The following CCDC14 variants were observed in gnomAD, a reference collection of about 807,000 sequenced individuals.
CCDC14 encodes the protein coiled-coil domain containing 14.
In CCDC14, 71 loss-of-function variants were observed where a neutral mutation model predicts 81.4. The observed-to-expected ratio is 0.87, with a 90% CI of 0.72 to 1.06. CCDC14 has a LOEUF of 1.06. Ranked by LOEUF, CCDC14 falls within the 50% of genes least tolerant of loss-of-function variation. CCDC14 has a pLI of 0.00. For missense variants in CCDC14, 1,046 were observed against 1,047.3 expected (o/e 1.00, Z 0.02); for synonymous variants, 332 against 364.8 (o/e 0.91, Z 1.03).
In CCDC14 at chr3:123,915,217, T is replaced by G. The variant is rs1482703802; in HGVS notation, c.2280A>C (p.Thr760=). 12 of 1,613,702 alleles carry G rather than the reference T, an allele frequency of 7.4e-6. No individual in the cohort carries two copies. Among genetic ancestry groups the G allele is most frequent in the Non-Finnish European group, 8.5e-6 (10 of 1,179,788 alleles). The change falls in exon 13 of 13, where the codon ACA becomes ACC. Residue 760 remains threonine (T), a synonymous_variant. Transcript: ENST00000409697. ...CAAGTCCGCTGTTGCTGACTAGCTG[T>G]GTTGTAGCTGCTCTTATTTGTGGCT... The part of the protein sequence containing the change: ...SPQPQIRAAT[T]QLVSNSGLAV...
intron 9 of CCDC14, among the ~76,000 whole-genome samples, chr3:123,934,988 T>C (rs2035977689): frequency 1.3e-5 from 2 of 152,120 alleles, no homozygotes; most frequent in African/African-American, 2.4e-5. Flanking sequence ...GATTTAACCA[T>C]AGCAAAATTT....
At chr3:123,948,548 T>C (rs1174389683) in intron 7 of CCDC14, 143 bp downstream of exon 7, 2 of 742,428 alleles carry the variant, frequency 2.7e-6, no homozygotes, top group Non-Finnish European at 4.3e-6. Flanking sequence ...GCCATAAACA[T>C]GTAAAACTTT....
chr3:123,914,799 T>A lies in CCDC14; in HGVS notation c.2698A>T (p.Thr900Ser). 2 of 1,555,876 alleles carry A rather than the reference T, an allele frequency of 1.3e-6. No homozygotes were observed. Among genetic ancestry groups the A allele is most frequent in the Non-Finnish European group, 1.7e-6 (2 of 1,150,400 alleles). ...TGAATTCATTTCTCCAGAAGACCAGTCCTTAAAGACTTCTGGAGTCTAGCT... is the reference window on the plus strand; with the variant it reads ...TGAATTCATTTCTCCAGAAGACCAGACCTTAAAGACTTCTGGAGTCTAGCT... ...NIARLQKSLR[T>S]GLLEK The change falls in exon 13 of 13, where the codon ACT becomes TCT. Residue 900 changes from threonine (T) to serine (S), a missense_variant. Physicochemically the swap from Thr to Ser is moderately conservative, Grantham distance 58. Transcript: ENST00000409697.
chr3:123,933,813 C>A (rs1466661659), intron 9 of CCDC14, 58 bp from the exon 10 acceptor site: 1 of 1,092,846 alleles, frequency 9.2e-7, no homozygotes, highest in African/African-American at 1.6e-5. Context: ...TAATAGTATA[C>A]ATGTGATAGC....
intron 10 of CCDC14, 93 bp from the exon 11 acceptor site, chr3:123,931,619 C>A (rs2035722615): frequency 1.6e-6 from 1 of 640,794 alleles, no homozygotes; most frequent in Non-Finnish European, 2.6e-6. Flanking sequence ...AAAAAAAAGG[C>A]CTGAAATTTA....
At chr3:123,956,275 A>G in intron 3 of CCDC14, 80 bp downstream of exon 3, 2 of 1,258,006 alleles carry the variant, frequency 1.6e-6, no homozygotes, top group Non-Finnish European at 2.2e-6. Context: ...AGCAATTAAT[A>G]CTTTGCATTT....
intron 12 of CCDC14, among the ~76,000 whole-genome samples, chr3:123,924,860 G>A (rs2035264216): frequency 6.6e-6 from 1 of 151,448 alleles, no homozygotes; most frequent in Admixed American, 6.6e-5. Flanking sequence ...CCTCAAAAAT[G>A]TATAAATAGA....
intron 12 of CCDC14, among the ~76,000 whole-genome samples, chr3:123,920,066 C>T (rs955923861): frequency 1.3e-5 from 2 of 151,754 alleles, no homozygotes; most frequent in African/African-American, 4.8e-5. Context: ...GAAATAGAAA[C>T]AAATTTTAAA....
chr3:123,950,896 C>T (rs2036976692), intron 5 of CCDC14, among the ~76,000 whole-genome samples: 1 of 150,706 alleles, frequency 6.6e-6, no homozygotes, highest in South Asian at 2.1e-4. Flanking sequence ...CATGTAAAAG[C>T]AAAAACAGAA....
chr3:123,924,733 T>G (rs1006284308), intron 12 of CCDC14, among the ~76,000 whole-genome samples: 6 of 152,012 alleles, frequency 3.9e-5, no homozygotes, highest in African/African-American at 1.4e-4. Context: ...GAATGGCTAT[T>G]ACAAAAAAGA....
chr3:123,915,064 T>C lies in CCDC14; in HGVS notation c.2433A>G (p.Lys811=), dbSNP rs1195048605. The C allele has an allele frequency of 6.2e-7, 1 of 1,614,024 alleles. No individual in the cohort carries two copies. Among genetic ancestry groups the C allele is most frequent in the Non-Finnish European group, 8.5e-7 (1 of 1,179,896 alleles). Reference sequence around the variant, plus strand: ...GGATCTTACCAATTGCTTCCTTTATTTTCTTGAGGAGCTGTGTGTCCTTCA... The same window carrying C: ...GGATCTTACCAATTGCTTCCTTTATCTTCTTGAGGAGCTGTGTGTCCTTCA... The part of the protein sequence containing the change: ...SDMKDTQLLK[K]IKEAIGKIPA... The change falls in exon 13 of 13, where the codon AAA becomes AAG. Residue 811 remains lysine, a synonymous_variant. Coordinates refer to ENST00000409697, the MANE Select transcript of CCDC14 (RefSeq NM_001366335.1).
At chr3:123,915,979 T>A (rs1389926980) in intron 12 of CCDC14, among the ~76,000 whole-genome samples, 1 of 147,892 alleles carries the variant, frequency 6.8e-6, no homozygotes, top group African/African-American at 2.5e-5. Context: ...TTTTTTAAGG[T>A]ATGGAGATGT....
At chr3:123,909,542 A>G (rs1458328119), downstream of CCDC14, among the ~76,000 whole-genome samples, 3 of 152,238 alleles carry the variant, frequency 2.0e-5, no homozygotes, top group Non-Finnish European at 4.4e-5. Context: ...ATTATGTCAC[A>G]TGCTAAACAG....
chr3:123,912,827 T>C (rs985601395), downstream of CCDC14, among the ~76,000 whole-genome samples: 1 of 152,192 alleles, frequency 6.6e-6, no homozygotes, highest in Non-Finnish European at 1.5e-5. Context: ...ATTCCACAAC[T>C]GACCCAAATC....
intron 5 of CCDC14, among the ~76,000 whole-genome samples, chr3:123,906,722 T>C (rs1044638053): frequency 1.3e-5 from 2 of 152,210 alleles, no homozygotes; most frequent in Admixed American, 6.5e-5. Context: ...AACAAGGATC[T>C]GCTCCATGAC....
intron 12 of CCDC14, among the ~76,000 whole-genome samples, chr3:123,922,676 G>A (rs1206611022): frequency 2.6e-5 from 4 of 152,092 alleles, no homozygotes; most frequent in African/African-American, 9.7e-5. Context: ...TAGAAAGTCT[G>A]AGCAGACCAA....
At position 123,961,210 on chromosome 3, in the gene CCDC14, T is replaced by A. The variant is rs564433086; in HGVS notation, c.-37A>T. 10 of 1,551,426 alleles carry A rather than the reference T, an allele frequency of 6.4e-6. No homozygotes were observed. The Admixed American group carries it at 1.6e-4, about 24-fold the overall frequency. On this transcript the variant is annotated 5_prime_UTR_variant, in exon 1 of 13. Transcript: ENST00000409697. ...TCAGAGAAGCCCAGACCGAGGGAAG[T>A]GAAGCCTCACGGTAAAAAGAATTAA...
At chr3:123,920,180 T>C (rs1051639579) in intron 12 of CCDC14, among the ~76,000 whole-genome samples, 4 of 151,936 alleles carry the variant, frequency 2.6e-5, no homozygotes, top group African/African-American at 9.7e-5. Context: ...TTAGTGAGCC[T>C]GAAAAGAGGA....
chr3:123,940,766 A>G (rs2036308792), intron 9 of CCDC14, among the ~76,000 whole-genome samples: 1 of 151,962 alleles, frequency 6.6e-6, no homozygotes, highest in East Asian at 1.9e-4. Flanking sequence ...CAATAAAAAC[A>G]TGTTCAGAGA....
Sources: gnomAD v4.1 joint callset for allele counts (sites outside exome capture counted in the v4.1 genomes callset) on GRCh38, gnomAD v4.1.1 for gene constraint, MANE v1.5 for transcripts, NCBI Gene and HGNC (gene_info 2026-07-23, HGNC 2026-07-21) for gene names.